TMED5: variants seen among roughly 807,000 people sequenced by gnomAD.
TMED5 encodes transmembrane p24 trafficking protein 5, also known as transmembrane emp24 domain-containing protein 5.
In TMED5, 27 loss-of-function variants were observed where a neutral mutation model predicts 23.0. The ratio of observed to expected loss-of-function variants is 1.17; its 90% CI spans 0.86 to 1.62. TMED5 has a LOEUF of 1.62. TMED5 is among the 40% of genes most tolerant of loss of function. The probability of loss-of-function intolerance (pLI) is 0.00; values close to 1 mark genes in which losing one functional copy is unlikely to be tolerated. For synonymous variants in TMED5, 97 were observed against 100.8 expected, an observed-to-expected ratio of 0.96 and a Z score of 0.23; for missense variants, 248 against 273.7, an observed-to-expected ratio of 0.91 and a Z score of 0.66.
intron 1 of TMED5, among the ~76,000 whole-genome samples, chr1:93,168,628 G>A (rs1466392616): frequency 6.6e-6 from 1 of 152,178 alleles, no homozygotes; most frequent in Non-Finnish European, 1.5e-5. Flanking sequence ...GAGGTCAGGA[G>A]ATTGAGACCA....
At chr1:93,171,353 G>A (rs970449980) in intron 1 of TMED5, among the ~76,000 whole-genome samples, 11 of 152,190 alleles carry the variant, frequency 7.2e-5, no homozygotes, top group South Asian at 2.1e-4. Flanking sequence ...AACACTCACC[G>A]CGAGGGTCCG....
intron 1 of TMED5, among the ~76,000 whole-genome samples, chr1:93,169,381 C>G (rs1192007330): frequency 2.0e-5 from 3 of 151,724 alleles, no homozygotes; most frequent in Admixed American, 2.0e-4. Flanking sequence ...AAAATACAAC[C>G]TAACAAAAAT....
chr1:93,155,893 A>C (rs1013335871), intron 3 of TMED5: 1 of 467,114 alleles, frequency 2.1e-6, no homozygotes, highest in Non-Finnish European at 3.8e-6. Flanking sequence ...TTTAGTATTC[A>C]GTAAAACACC....
rs1306915319 is a variant in TMED5, at chr1:93,154,767, C to G, written c.593G>C (p.Trp198Ser). The change falls in exon 4 of 4, where the codon TGG becomes TCG. Residue 198 changes from tryptophan to serine, a missense_variant. By Grantham distance (177) the Trp-to-Ser change is radical. Transcript: ENST00000370282. ...CATGACCACTAAATTAACCATAGAC[C>G]AGAAATTGACTCTATCAAAGTTGCT... ...QESNFDRVNFWSMVNLVVMVV... is the reference protein window; with the variant it reads ...QESNFDRVNFSSMVNLVVMVV... 1 of 1,613,970 alleles carries G rather than the reference C, an allele frequency of 6.2e-7. No individual in the cohort carries two copies. The highest frequency in any genetic ancestry group is 1.7e-5 in the Admixed American group (1 of 59,996).
At chr1:93,176,805 A>G (rs1210077759) in intron 1 of TMED5, among the ~76,000 whole-genome samples, 1 of 152,234 alleles carries the variant, frequency 6.6e-6, no homozygotes, top group Non-Finnish European at 1.5e-5. Context: ...TGTTGGGATT[A>G]CAGGTGTGAG....
chr1:93,160,528 CAA>C lies in TMED5; in HGVS notation c.190-304_190-303del, dbSNP rs201442160. On this transcript the variant is annotated intron_variant, in intron 1 of 3. Coordinates refer to ENST00000370282, the MANE Select transcript of TMED5 (RefSeq NM_016040.5). ...AATCCCTGTAGAATGGACGGAAACA[CAA>C]AGAGCAGTTCAAATGCTGGGCGTTT... is the stretch of plus-strand genomic sequence containing the variant. The C allele has an allele frequency of 6.1e-3, 1,246 of 204,990 alleles. 22 individuals carry two copies. The highest frequency in any genetic ancestry group is 0.027 in the African/African-American group (1,190 of 43,614). The allele number at this position is 204,990 out of a possible 1,614,324, so 12.7% of individuals were successfully genotyped here. A position where few individuals can be genotyped will look rare whatever the true frequency, so the allele number is the denominator to read the frequency against.
intron 1 of TMED5, among the ~76,000 whole-genome samples, chr1:93,172,812 T>C (rs989901527): frequency 2.0e-5 from 3 of 152,098 alleles, no homozygotes; most frequent in Non-Finnish European, 2.9e-5. Context: ...CCCATATTCA[T>C]TGAAGCATTA....
At chr1:93,176,536 T>C (rs1192352167) in intron 1 of TMED5, among the ~76,000 whole-genome samples, 2 of 151,256 alleles carry the variant, frequency 1.3e-5, no homozygotes, top group South Asian at 2.1e-4. Context: ...CAAACATATA[T>C]ATATATATTT....
At chr1:93,170,192 C>T (rs1648662338) in intron 1 of TMED5, among the ~76,000 whole-genome samples, 1 of 152,378 alleles carries the variant, frequency 6.6e-6, no homozygotes, top group South Asian at 2.1e-4. Flanking sequence ...TTCAGCCCGC[C>T]GCTGCACTGT....
chr1:93,156,141 T>G (rs745875800), intron 3 of TMED5, 159 bp downstream of exon 3: 15 of 1,142,432 alleles, frequency 1.3e-5, no homozygotes, highest in Non-Finnish European at 1.9e-5. Flanking sequence ...AAAATAAAAT[T>G]AAGCTGATAC....
rs998227407 is a variant in TMED5 at position 93,152,140 on chromosome 1, A to G, written c.*2530T>C. 12 of 152,662 alleles carry G rather than the reference A, an allele frequency of 7.9e-5. No homozygotes were observed. Among genetic ancestry groups the G allele is most frequent in the Admixed American group, 1.3e-4 (2 of 15,274 alleles). 9.5% of individuals were successfully genotyped at this position (152,662 alleles called of 1,614,324 possible). The stretch of plus-strand genomic sequence containing the variant: ...AATTACAAACACCCTCCATGTCTTG[A>G]CATTCACATGAAAGAACAGCATAAC... On this transcript the variant is annotated 3_prime_UTR_variant, in exon 4 of 4. Coordinates refer to ENST00000370282, the MANE Select transcript of TMED5 (RefSeq NM_016040.5).
Position 93,154,416 on chromosome 1 carries a change from T to C in TMED5, c.*254A>G, listed in dbSNP as rs1174239420. 9.0e-6 allele frequency: 4 copies of C among 444,334 alleles called. No individual in the cohort carries two copies. Among genetic ancestry groups the C allele is most frequent in the African/African-American group, 4.0e-5 (2 of 49,516 alleles). 27.5% of individuals were successfully genotyped at this position (444,334 alleles called of 1,614,324 possible). ...GCAAAATTTTTCAAAGTTAGGAAAA[T>C]GCAGTTATTAATATGGCTTCATTCA... On this transcript the variant is annotated 3_prime_UTR_variant, in exon 4 of 4. Coordinates refer to ENST00000370282, the MANE Select transcript of TMED5 (RefSeq NM_016040.5).
rs201008342 is a variant in TMED5, at chr1:93,175,175, T to TTATATATATATATATATATATATA, written c.189+4855_189+4878dup. ...TATTTATATAATACTTAAAAGCCAT[T>TTATATATATATATATATATATATA]TATATATATATATATATATATATAT... On this transcript the variant is annotated intron_variant, in intron 1 of 3. Coordinates refer to ENST00000370282, the MANE Select transcript of TMED5 (RefSeq NM_016040.5). 1.8e-3 allele frequency among the ~76,000 whole-genome samples: 218 copies of TTATATATATATATATATATATATA among 119,786 alleles called. 3 individuals carry two copies. The highest frequency in any genetic ancestry group is 8.0e-3 in the African/African-American group (198 of 24,892). The allele number at this position is 119,786 out of a possible 152,430, so 78.6% of individuals were successfully genotyped here. A position where few individuals can be genotyped will look rare whatever the true frequency, so the allele number is the denominator to read the frequency against.
Position 93,154,678 on chromosome 1 carries a change from T to A in TMED5, c.682A>T (p.Arg228Ter). ...TACTCTAGTTTGGAGTTTTAAGTTC[T>A]ACTTTTCCTCTTATCTTCAAACAGA... is the stretch of plus-strand genomic sequence containing the variant. ...KSLFEDKRKS[R>*]T Residue 228 changes from arginine (R) to a stop codon, truncating the protein, a stop_gained, in exon 4 of 4, where the codon AGA becomes TGA. Transcript: ENST00000370282. LOFTEE classifies it high-confidence loss of function. 1 of 1,612,304 alleles carries A rather than the reference T, an allele frequency of 6.2e-7. No homozygotes were observed.
intron 3 of TMED5, among the ~76,000 whole-genome samples, chr1:93,155,674 T>C (rs752062159): frequency 6.6e-6 from 1 of 152,030 alleles, no homozygotes; most frequent in Non-Finnish European, 1.5e-5. Context: ...TATCTATTTA[T>C]ATGTGTGACC....
intron 1 of TMED5, among the ~76,000 whole-genome samples, chr1:93,177,466 A>G (rs1019559707): frequency 6.6e-6 from 1 of 151,370 alleles, no homozygotes; most frequent in Non-Finnish European, 1.5e-5. Flanking sequence ...TAATCCAGCT[A>G]CTCGGGAAGC....
intron 1 of TMED5, among the ~76,000 whole-genome samples, chr1:93,175,175 TTATATATATATATATA>T (rs201008342): frequency 2.5e-5 from 3 of 119,872 alleles, no homozygotes; most frequent in African/African-American, 1.2e-4. Context: ...TAAAAGCCAT[TTATATATATATATATA>T]TATATATATA....
intron 1 of TMED5, chr1:93,162,633 A>C (rs1191272035): frequency 6.6e-6 from 1 of 152,144 alleles, no homozygotes; most frequent in Non-Finnish European, 1.5e-5. Flanking sequence ...AAGAAGAAAA[A>C]TTCCTGTTTC....
chr1:93,170,667 C>T (rs1648693921), intron 1 of TMED5, among the ~76,000 whole-genome samples: 1 of 152,214 alleles, frequency 6.6e-6, no homozygotes, highest in African/African-American at 2.4e-5. Context: ...GTGCGGGATC[C>T]ACTGGGTGAA....
Sources: gnomAD v4.1 joint callset for allele counts (sites outside exome capture counted in the v4.1 genomes callset) on GRCh38, gnomAD v4.1.1 for gene constraint, MANE v1.5 for transcripts, NCBI Gene and HGNC (gene_info 2026-07-23, HGNC 2026-07-21) for gene names.